The following ASB3 variants were observed in gnomAD, a reference collection of about 807,000 sequenced individuals.
The protein encoded by ASB3 is ankyrin repeat and SOCS box protein 3.
In ASB3, 41 loss-of-function variants were observed where a neutral mutation model predicts 54.5. The ratio of observed to expected loss-of-function variants is 0.75; its 90% CI spans 0.59 to 0.98. The LOEUF is 0.98. Ranked by LOEUF, ASB3 falls within the 50% of genes least tolerant of loss-of-function variation. ASB3 has a pLI of 0.00. For missense variants in ASB3, 733 were observed against 620.0 expected, an observed-to-expected ratio of 1.18 and a Z score of -1.94; for synonymous variants, 266 against 221.2, an observed-to-expected ratio of 1.20 and a Z score of -1.80.
chr2:53,781,275 G>A (rs1419806724), intron 1 of ASB3, among the ~76,000 whole-genome samples: 1 of 151,902 alleles, frequency 6.6e-6, no homozygotes, highest in African/African-American at 2.4e-5. Context: ...AGCCAGGCGT[G>A]GTGGTGCACA....
chr2:53,728,138 T>C (rs955940401), intron 5 of ASB3, among the ~76,000 whole-genome samples: 4 of 152,134 alleles, frequency 2.6e-5, no homozygotes, highest in Non-Finnish European at 4.4e-5. Context: ...TAAAAGCCCC[T>C]GTAAAATAAA....
intron 1 of ASB3, among the ~76,000 whole-genome samples, chr2:53,777,840 T>C (rs1308856534): frequency 2.0e-5 from 3 of 152,170 alleles, no homozygotes; most frequent in Non-Finnish European, 4.4e-5. Context: ...CAATATAACA[T>C]TTTTTAAAAA....
intron 3 of ASB3, among the ~76,000 whole-genome samples, chr2:53,739,407 A>G (rs145543747): frequency 5.9e-5 from 9 of 152,350 alleles, no homozygotes; most frequent in African/African-American, 1.9e-4. Context: ...ACATACATGT[A>G]AGTACTAAAT....
chr2:53,719,277 C>T (rs550767197), intron 5 of ASB3, among the ~76,000 whole-genome samples: 1 of 152,288 alleles, frequency 6.6e-6, no homozygotes, highest in Admixed American at 6.5e-5. Flanking sequence ...ACAACAGAGC[C>T]AGGCACAGTG....
intron 9 of ASB3, among the ~76,000 whole-genome samples, chr2:53,693,665 A>G (rs1017851150): frequency 3.9e-5 from 6 of 152,130 alleles, no homozygotes; most frequent in Non-Finnish European, 7.4e-5. Flanking sequence ...GCTTTTCTTT[A>G]TATGTTCCTT....
At chr2:53,744,086 T>C (rs989286586) in intron 3 of ASB3, among the ~76,000 whole-genome samples, 1 of 145,382 alleles carries the variant, frequency 6.9e-6, no homozygotes, top group Non-Finnish European at 1.5e-5. Flanking sequence ...TGTTAAAACA[T>C]AGAAAGGTGG....
intron 7 of ASB3, among the ~76,000 whole-genome samples, chr2:53,712,072 C>T (rs1372635765): frequency 2.6e-5 from 4 of 151,958 alleles, no homozygotes; most frequent in Non-Finnish European, 2.9e-5. Context: ...AAAAATACAA[C>T]TTTGGAGTAC....
At chr2:53,698,219 C>A (rs183753138) in intron 8 of ASB3, among the ~76,000 whole-genome samples, 3 of 152,312 alleles carry the variant, frequency 2.0e-5, no homozygotes. Context: ...GAAAACCAAT[C>A]TGACCTCCTA....
Position 53,755,821 on chromosome 2 carries a change from G to T in ASB3, c.197-4880C>A, listed in dbSNP as rs74258801. Among the ~76,000 whole-genome samples, 5 of 152,014 alleles carry T rather than the reference G, an allele frequency of 3.3e-5. No individual in the cohort carries two copies. The South Asian group carries it at 1.0e-3, about 32-fold the overall frequency. On this transcript the variant is annotated intron_variant, in intron 2 of 9. Coordinates refer to ENST00000263634, the MANE Select transcript of ASB3 (RefSeq NM_016115.5). ...AAATACCCGAAACACATATAACACCGAAGGATTAATATCCAGAATACATAA... is the reference window on the plus strand; with the variant it reads ...AAATACCCGAAACACATATAACACCTAAGGATTAATATCCAGAATACATAA...
chr2:53,774,193 G>C, intron 1 of ASB3: 1 of 1,613,434 alleles, frequency 6.2e-7, no homozygotes, highest in East Asian at 2.2e-5. Context: ...GGAAGAAGAA[G>C]TAAAAGCATA....
chr2:53,707,242 CAT>C (rs1169557040), intron 7 of ASB3, among the ~76,000 whole-genome samples: 5 of 152,188 alleles, frequency 3.3e-5, no homozygotes, highest in Non-Finnish European at 7.3e-5. Context: ...TAAATAGCCA[CAT>C]GTGGCTGGTG....
Position 53,765,476 on chromosome 2 carries a change from C to A in ASB3, c.97G>T (p.Gly33Cys), listed in dbSNP as rs1673388564. The change falls in exon 2 of 10, where the codon GGC becomes TGC. Residue 33 changes from glycine (G) to cysteine (C), a missense_variant. Gly to Cys is a radical substitution (Grantham distance 159). Transcript: ENST00000263634. ...VKVLRKLLKK[G>C]RSVDVADNRG... ...TTATCAGCAACATCGACACTTCGGC[C>A]CTTTTTGAGCAGTTTCCTTAAGACT... 1 of 1,614,206 alleles carries A rather than the reference C, an allele frequency of 6.2e-7. No individual in the cohort carries two copies. Among genetic ancestry groups the A allele is most frequent in the East Asian group, 2.2e-5 (1 of 44,890 alleles).
At chr2:53,725,907 G>C (rs1247019053) in intron 5 of ASB3, among the ~76,000 whole-genome samples, 1 of 152,044 alleles carries the variant, frequency 6.6e-6, no homozygotes, top group Non-Finnish European at 1.5e-5. Flanking sequence ...TAACTGAAAA[G>C]AGACTAAGTC....
intron 1 of ASB3, chr2:53,768,056 C>G: frequency 6.2e-7 from 1 of 1,607,244 alleles, no homozygotes; most frequent in Non-Finnish European, 8.5e-7. Flanking sequence ...ACTTACTGCC[C>G]CCTGACCCCT....
rs867697496 is a variant in ASB3 at position 53,693,988 on chromosome 2, A to G, written c.1265T>C (p.Leu422Pro). 6.2e-7 allele frequency: 1 copy of G among 1,613,520 alleles called. No homozygotes were observed. The highest frequency in any genetic ancestry group is 1.7e-5 in the Admixed American group (1 of 59,976). The change falls in exon 9 of 10, where the codon CTT becomes CCT. Residue 422 changes from leucine (L) to proline (P), a missense_variant. Physicochemically the swap from Leu to Pro is moderately conservative, Grantham distance 98 (BLOSUM62 -3). Coordinates refer to ENST00000263634, the MANE Select transcript of ASB3 (RefSeq NM_016115.5). ...ATTAGTAAACTCCAAAGTGAAGATA[A>G]GGGTGTCAATGCTGACTGAGTCAAT... ...SWIDSVSIDTLIFTLEFTNWK... is the reference protein window; with the variant it reads ...SWIDSVSIDTPIFTLEFTNWK...
At chr2:53,679,888 C>T (rs764600762) in intron 9 of ASB3, among the ~76,000 whole-genome samples, 4 of 152,112 alleles carry the variant, frequency 2.6e-5, no homozygotes, top group Non-Finnish European at 5.9e-5. Flanking sequence ...TCCTGGTCCT[C>T]TCCTTCCTTC....
intron 1 of ASB3, 34 bp from the exon 2 acceptor site, chr2:53,765,619 C>G: frequency 6.2e-7 from 1 of 1,611,984 alleles, no homozygotes; most frequent in Non-Finnish European, 8.5e-7. Flanking sequence ...ATACTATAGT[C>G]AATAAAACAA....
chr2:53,716,872 A>T, intron 5 of ASB3, 129 bp from the exon 6 acceptor site: 1 of 1,025,802 alleles, frequency 9.7e-7, no homozygotes, highest in Non-Finnish European at 1.4e-6. Flanking sequence ...TGAATGTTGG[A>T]TGTTGTTATA....
At chr2:53,690,240 A>G (rs562195201) in intron 9 of ASB3, among the ~76,000 whole-genome samples, 58 of 151,904 alleles carry the variant, frequency 3.8e-4, no homozygotes, top group African/African-American at 1.2e-3. Context: ...TGTCCCCCCA[A>G]ATAAATAAAT....
Sources: gnomAD v4.1 joint callset for allele counts (sites outside exome capture counted in the v4.1 genomes callset) on GRCh38, gnomAD v4.1.1 for gene constraint, MANE v1.5 for transcripts, NCBI Gene and HGNC (gene_info 2026-07-23, HGNC 2026-07-21) for gene names.